Variants in ADAMTS6 observed in about 807,000 individuals in gnomAD.
The protein encoded by ADAMTS6 is A disintegrin and metalloproteinase with thrombospondin motifs 6.
ADAMTS6 carries 23 observed loss-of-function variants against 144.3 expected under a neutral mutation model. The ratio of observed to expected loss-of-function variants is 0.16; its 90% confidence interval spans 0.11 to 0.23. The LOEUF (loss-of-function observed/expected upper bound fraction) is 0.23. Ranked by LOEUF, ADAMTS6 falls within the 10% of genes least tolerant of loss-of-function variation. The pLI, the probability that ADAMTS6 is intolerant of heterozygous loss-of-function variation, is 1.00. For synonymous variants in ADAMTS6, 444 were observed against 457.5 expected (o/e 0.97, Z 0.38); for missense variants, 999 against 1,379.6 (o/e 0.72, Z 4.37).
At chr5:65,402,642 G>T (rs566349164) in intron 7 of ADAMTS6, among the ~76,000 whole-genome samples, 1 of 151,878 alleles carries the variant, frequency 6.6e-6, no homozygotes, top group African/African-American at 2.4e-5. Flanking sequence ...CACATACTCC[G>T]CCCTCCTTGC....
chr5:65,221,022 A>G (rs1047606520), intron 18 of ADAMTS6, among the ~76,000 whole-genome samples: 1 of 152,214 alleles, frequency 6.6e-6, no homozygotes, highest in African/African-American at 2.4e-5. Context: ...TTTTCATTAA[A>G]AACTTTCCAC....
At chr5:65,389,206 AG>A (rs1402915756) in intron 7 of ADAMTS6, among the ~76,000 whole-genome samples, 8 of 152,044 alleles carry the variant, frequency 5.3e-5, no homozygotes, top group Non-Finnish European at 5.9e-5. Context: ...TCCATCTCAA[AG>A]AAAAAAAAAA....
intron 4 of ADAMTS6, 40 bp from the exon 5 acceptor site, chr5:65,452,958 A>T (rs752973660): frequency 6.1e-6 from 9 of 1,466,402 alleles, no homozygotes; most frequent in African/African-American, 1.4e-5. Flanking sequence ...TTCACTAATT[A>T]AAAATATTTA....
chr5:65,474,637 C>T (rs1760712221), intron 1 of ADAMTS6, among the ~76,000 whole-genome samples: 1 of 151,868 alleles, frequency 6.6e-6, no homozygotes. Context: ...CAAGTCCTAG[C>T]TCATGTACTT....
At chr5:65,258,914 G>A (rs1760921752) in intron 14 of ADAMTS6, among the ~76,000 whole-genome samples, 1 of 152,128 alleles carries the variant, frequency 6.6e-6, no homozygotes, top group Non-Finnish European at 1.5e-5. Context: ...AGTACAGGCT[G>A]AAGATATAAA....
chr5:65,308,465 G>T (rs140493139), intron 9 of ADAMTS6, among the ~76,000 whole-genome samples: 25 of 151,984 alleles, frequency 1.6e-4, no homozygotes, highest in African/African-American at 5.5e-4. Flanking sequence ...ACTGGAAACT[G>T]GCTGGTAATC....
At chr5:65,376,450 C>CA (rs988442215) in intron 7 of ADAMTS6, among the ~76,000 whole-genome samples, 7 of 146,224 alleles carry the variant, frequency 4.8e-5, no homozygotes, top group East Asian at 2.0e-4. Flanking sequence ...GACTCCATCT[C>CA]AAAAAAAAAG....
chr5:65,291,916 T>C (rs547029700), intron 10 of ADAMTS6, among the ~76,000 whole-genome samples: 2 of 152,250 alleles, frequency 1.3e-5, no homozygotes, highest in African/African-American at 2.4e-5. Flanking sequence ...GGCAGAACAA[T>C]AGATGTTGTG....
chr5:65,179,669 A>T (rs1754213930), intron 22 of ADAMTS6, among the ~76,000 whole-genome samples: 1 of 152,128 alleles, frequency 6.6e-6, no homozygotes, highest in South Asian at 2.1e-4. Context: ...AATAAAAAGA[A>T]TCCTGTCCAC....
At chr5:65,448,646 G>C (rs1325276949) in intron 7 of ADAMTS6, among the ~76,000 whole-genome samples, 2 of 151,982 alleles carry the variant, frequency 1.3e-5, no homozygotes, top group African/African-American at 4.8e-5. Context: ...AGTAGAGACA[G>C]GGTTTCACCG....
intron 7 of ADAMTS6, among the ~76,000 whole-genome samples, chr5:65,382,938 C>T (rs1305670840): frequency 2.0e-5 from 3 of 152,292 alleles, no homozygotes; most frequent in African/African-American, 7.2e-5. Flanking sequence ...GCAGATTCTA[C>T]GTCTGGTGAA....
At chr5:65,208,369 T>A (rs1359266548) in intron 20 of ADAMTS6, among the ~76,000 whole-genome samples, 1 of 152,214 alleles carries the variant, frequency 6.6e-6, no homozygotes, top group Non-Finnish European at 1.5e-5. Flanking sequence ...ATCATCATTG[T>A]TTAAAGTTCT....
chr5:65,394,500 T>C (rs1753181275), intron 7 of ADAMTS6, among the ~76,000 whole-genome samples: 1 of 152,114 alleles, frequency 6.6e-6, no homozygotes, highest in South Asian at 2.1e-4. Flanking sequence ...GGGCAACTTA[T>C]CACGAAGCAA....
At chr5:65,361,740 CT>C (rs201243889) in intron 7 of ADAMTS6, among the ~76,000 whole-genome samples, 83 of 145,242 alleles carry the variant, frequency 5.7e-4, no homozygotes, top group East Asian at 1.0e-3. Context: ...TTTTCTTTTT[CT>C]TTTTTTTTTT....
intron 24 of ADAMTS6, among the ~76,000 whole-genome samples, chr5:65,161,386 T>C (rs983750195): frequency 3.3e-5 from 5 of 152,232 alleles, no homozygotes; most frequent in Non-Finnish European, 7.3e-5. Flanking sequence ...CATATCTCTA[T>C]GGATTAAAAC....
chr5:65,216,030 C>T (rs148268414), intron 18 of ADAMTS6, among the ~76,000 whole-genome samples: 2 of 152,196 alleles, frequency 1.3e-5, no homozygotes, highest in African/African-American at 4.8e-5. Context: ...CAAAAAAATG[C>T]TGAATTTATA....
chr5:65,387,098 A>G (rs113639455), intron 7 of ADAMTS6, among the ~76,000 whole-genome samples: 6 of 152,344 alleles, frequency 3.9e-5, no homozygotes, highest in African/African-American at 1.4e-4. Context: ...GGTACCTGAA[A>G]TTCCATGAGT....
chr5:65,481,173 AT>A (rs1247065017), intron 1 of ADAMTS6, among the ~76,000 whole-genome samples, 169 bp downstream of exon 1: 1 of 150,964 alleles, frequency 6.6e-6, no homozygotes, highest in Non-Finnish European at 1.5e-5. Flanking sequence ...TTAAAAAGAT[AT>A]CTATTTGTAA....
At chr5:65,251,960 T>C (rs1244555626) in intron 14 of ADAMTS6, among the ~76,000 whole-genome samples, 1 of 152,172 alleles carries the variant, frequency 6.6e-6, no homozygotes, top group Admixed American at 6.6e-5. Context: ...CTATACCTCT[T>C]AAGTGTTTGG....
Sources: allele counts gnomAD v4.1 joint callset (sites outside exome capture counted in the v4.1 genomes callset), GRCh38; gene constraint gnomAD v4.1.1; transcripts MANE v1.5; gene names NCBI Gene and HGNC (gene_info 2026-07-23, HGNC 2026-07-21).